FRMPD4: variants seen among roughly 807,000 people sequenced by gnomAD.
FRMPD4 encodes FERM and PDZ domain-containing protein 4.
A neutral mutation model predicts 94.1 loss-of-function variants in FRMPD4; 22 were observed. That is an observed-to-expected ratio of 0.23 (90% CI 0.17 to 0.33). FRMPD4 has a LOEUF of 0.33. FRMPD4 is among the 10% of genes least tolerant of loss of function. The probability of loss-of-function intolerance (pLI) is 1.00; values close to 1 mark genes in which losing one functional copy is unlikely to be tolerated. For missense variants in FRMPD4, 1,111 were observed against 1,339.9 expected (o/e 0.83, Z 2.67); for synonymous variants, 631 against 548.6 (o/e 1.15, Z -2.10).
Position 12,317,606 on chromosome X carries a change from AAAAAAAC to A in FRMPD4, c.41+178600_41+178606del, listed in dbSNP as rs1341377404. ...ATAGCAAAAAAAAAAAAAAAAAACA[AAAAAAAC>A]AAAAACCCAAGTAATCTGATTAAAA... On this transcript the variant is annotated intron_variant, in intron 1 of 16. Transcript: ENST00000675598. Among the ~76,000 whole-genome samples the A allele has an allele frequency of 3.3e-3, 356 of 106,273 alleles. 5 individuals are homozygous for A. The highest frequency in any genetic ancestry group is 9.6e-3 in the African/African-American group (260 of 26,982). The allele number at this position is 106,273 out of a possible 115,157, so 92.3% of individuals were successfully genotyped here. A position where few individuals can be genotyped will look rare whatever the true frequency, so the allele number is the denominator to read the frequency against.
chrX:12,090,081 A>T (rs1233268932), intron 3 of FRMPD4, among the ~76,000 whole-genome samples: 1 of 111,710 alleles, frequency 9.0e-6, no homozygotes, highest in East Asian at 2.8e-4. Context: ...GAATTGGAGA[A>T]ACAGTGATAT....
At chrX:12,227,399 G>A (rs770653509) in intron 1 of FRMPD4, among the ~76,000 whole-genome samples, 1 of 112,257 alleles carries the variant, frequency 8.9e-6, no homozygotes, top group East Asian at 2.8e-4. Context: ...AGCTTTAGGA[G>A]ACACTTGCTG....
intron 1 of FRMPD4, among the ~76,000 whole-genome samples, chrX:12,274,168 G>A (rs1250380020): frequency 9.1e-6 from 1 of 110,306 alleles, no homozygotes; most frequent in African/African-American, 3.3e-5. Flanking sequence ...AATAGACTTA[G>A]GTATCTACTC....
chrX:11,892,514 C>A (rs2053880840), intron 3 of FRMPD4, among the ~76,000 whole-genome samples: 1 of 112,112 alleles, frequency 8.9e-6, no homozygotes, highest in African/African-American at 3.2e-5. Context: ...AGCTCCTTCA[C>A]TCCCGCACAT....
intron 1 of FRMPD4, among the ~76,000 whole-genome samples, chrX:12,379,641 CCG>C (rs2056291610): frequency 1.8e-5 from 1 of 56,734 alleles, no homozygotes; most frequent in Non-Finnish European, 3.3e-5. Context: ...TGATATGCTG[CCG>C]TGTGTGTGTG....
intron 4 of FRMPD4, among the ~76,000 whole-genome samples, chrX:12,626,312 G>GC (rs1381455957): frequency 1.1e-5 from 1 of 92,106 alleles, no homozygotes. Flanking sequence ...GTGACAAAGT[G>GC]AGATCCTGTC....
chrX:12,334,571 A>G (rs750982083), intron 1 of FRMPD4, among the ~76,000 whole-genome samples: 1 of 110,362 alleles, frequency 9.1e-6, no homozygotes, highest in South Asian at 3.9e-4. Context: ...GTTCCTCTGC[A>G]TAAATAGGTG....
intron 1 of FRMPD4, among the ~76,000 whole-genome samples, chrX:12,179,370 T>C (rs1482569210): frequency 9.0e-6 from 1 of 111,359 alleles, no homozygotes; most frequent in East Asian, 2.8e-4. Flanking sequence ...AAAATCACCT[T>C]GCAAAGGGTC....
chrX:12,476,480 A>C, intron 1 of FRMPD4, among the ~76,000 whole-genome samples: 1 of 111,039 alleles, frequency 9.0e-6, no homozygotes, highest in Non-Finnish European at 1.9e-5. Flanking sequence ...TAATTAAACT[A>C]AAGAGCTTCT....
At chrX:12,223,960 C>T (rs1452541983) in intron 1 of FRMPD4, among the ~76,000 whole-genome samples, 1 of 110,818 alleles carries the variant, frequency 9.0e-6, no homozygotes, top group East Asian at 2.8e-4. Context: ...TTATCAGCCT[C>T]AGCACTATTG....
At chrX:12,101,700 G>C (rs1019750040) in intron 3 of FRMPD4, among the ~76,000 whole-genome samples, 4 of 110,819 alleles carry the variant, frequency 3.6e-5, no homozygotes, top group Non-Finnish European at 5.7e-5. Context: ...AAAAAATTCG[G>C]ACCGTATATA....
At chrX:12,305,725 GTTT>G (rs58794898) in intron 1 of FRMPD4, among the ~76,000 whole-genome samples, 12 of 59,698 alleles carry the variant, frequency 2.0e-4, no homozygotes, top group African/African-American at 5.3e-4. Context: ...AGCTGGCTAA[GTTT>G]TTTTTTTTTT....
chrX:11,897,308 G>A (rs956774363), intron 3 of FRMPD4, among the ~76,000 whole-genome samples: 4 of 111,364 alleles, frequency 3.6e-5, no homozygotes, highest in Non-Finnish European at 7.5e-5. Flanking sequence ...GCTGGGGTTG[G>A]TGGTGGTTGT....
intron 2 of FRMPD4, among the ~76,000 whole-genome samples, chrX:12,603,990 A>T (rs1020134300): frequency 4.5e-5 from 5 of 110,426 alleles, no homozygotes; most frequent in Non-Finnish European, 7.6e-5. Context: ...TGAGAATGCC[A>T]TTGGAAGGTT....
chrX:12,332,275 C>T (rs1270038635), intron 1 of FRMPD4, among the ~76,000 whole-genome samples: 2 of 84,059 alleles, frequency 2.4e-5, no homozygotes, highest in Non-Finnish European at 4.5e-5. Context: ...TAATAAATAC[C>T]ATTTAACAAA....
At chrX:12,104,266 A>G (rs995517433) in intron 3 of FRMPD4, among the ~76,000 whole-genome samples, 1 of 112,736 alleles carries the variant, frequency 8.9e-6, no homozygotes, top group Non-Finnish European at 1.9e-5. Flanking sequence ...TTTGGAAGAG[A>G]CATTCAAACC....
intron 3 of FRMPD4, among the ~76,000 whole-genome samples, chrX:12,075,051 G>T (rs2055001545): frequency 1.8e-5 from 2 of 112,066 alleles, no homozygotes; most frequent in Admixed American, 1.9e-4. Context: ...TTATCTAATT[G>T]TACTAAAATG....
intron 2 of FRMPD4, among the ~76,000 whole-genome samples, chrX:12,558,468 C>A (rs1172986622): frequency 8.9e-6 from 1 of 112,895 alleles, no homozygotes; most frequent in African/African-American, 3.2e-5. Context: ...GTCTCTGCAA[C>A]TGTAAGGTTA....
Position 12,545,879 on chromosome X carries a change from C to T in FRMPD4, c.158+47083C>T, listed in dbSNP as rs766341011. On this transcript the variant is annotated intron_variant, in intron 2 of 16. Coordinates refer to ENST00000675598, the MANE Select transcript of FRMPD4 (RefSeq NM_001368397.1). ...ATTTGGAAAAACCAAGCTCATGTCC[C>T]AACCAGCAGCTCATCTAGAAAGTAA... 2.7e-5 allele frequency among the ~76,000 whole-genome samples: 3 copies of T among 112,963 alleles called. No homozygotes were observed. The East Asian group carries it at 8.4e-4, about 32-fold the overall frequency.
Sources: gnomAD v4.1 joint callset for allele counts (sites outside exome capture counted in the v4.1 genomes callset) on GRCh38, gnomAD v4.1.1 for gene constraint, MANE v1.5 for transcripts, NCBI Gene and HGNC (gene_info 2026-07-23, HGNC 2026-07-21) for gene names.